The following CCBE1 variants were observed in gnomAD, a reference collection of about 807,000 sequenced individuals.
CCBE1 encodes collagen and calcium-binding EGF domain-containing protein 1.
In CCBE1, 37 loss-of-function variants were observed where a neutral mutation model predicts 50.0. That is an observed-to-expected ratio of 0.74 (90% CI 0.57 to 0.97). CCBE1 has a LOEUF of 0.97. Ranked by LOEUF, CCBE1 falls within the 50% of genes least tolerant of loss-of-function variation. CCBE1 has a pLI of 0.00. For missense variants in CCBE1, 538 were observed against 523.8 expected (o/e 1.03, Z -0.26); for synonymous variants, 234 against 203.7 (o/e 1.15, Z -1.27).
At chr18:59,582,551 C>T (rs1040426306) in intron 2 of CCBE1, among the ~76,000 whole-genome samples, 8 of 152,198 alleles carry the variant, frequency 5.3e-5, no homozygotes, top group Admixed American at 2.0e-4. Flanking sequence ...GGCTTAAGAA[C>T]TCAGGCTCTT....
intron 2 of CCBE1, among the ~76,000 whole-genome samples, chr18:59,559,236 G>A (rs1344340344): frequency 6.6e-6 from 1 of 152,228 alleles, no homozygotes; most frequent in Non-Finnish European, 1.5e-5. Context: ...TGCGTTTACT[G>A]GCTGAGTTGG....
In CCBE1 at chr18:59,435,119, A is replaced by G. The variant is rs1229499079; in HGVS notation, c.*789T>C. 6.6e-6 allele frequency: 1 copy of G among 152,256 alleles called. No individual in the cohort carries two copies. Among genetic ancestry groups the G allele is most frequent in the African/African-American group, 2.4e-5 (1 of 41,458 alleles). The allele number at this position is 152,256 out of a possible 1,614,324, so 9.4% of individuals were successfully genotyped here. On this transcript the variant is annotated 3_prime_UTR_variant, in exon 11 of 11. Coordinates refer to ENST00000439986, the MANE Select transcript of CCBE1 (RefSeq NM_133459.4). ...ATAGCAAACGAGAGCCCATTGTTTT[A>G]ATGTGAATCCAGGCATTTCACTTTG...
intron 2 of CCBE1, among the ~76,000 whole-genome samples, chr18:59,497,105 T>C (rs1021448386): frequency 6.6e-6 from 1 of 152,192 alleles, no homozygotes; most frequent in African/African-American, 2.4e-5. Context: ...ATAATACATG[T>C]CCACTAAAGA....
intron 2 of CCBE1, among the ~76,000 whole-genome samples, chr18:59,588,345 T>C (rs1212985419): frequency 1.3e-5 from 2 of 152,154 alleles, no homozygotes; most frequent in Non-Finnish European, 2.9e-5. Context: ...GAGGATTGCT[T>C]GAGTCCAGGA....
At chr18:59,638,553 G>T in intron 2 of CCBE1, among the ~76,000 whole-genome samples, 1 of 152,194 alleles carries the variant, frequency 6.6e-6, no homozygotes, top group African/African-American at 2.4e-5. Context: ...CTCTACAAGT[G>T]ATTCTGATGC....
At chr18:59,561,519 A>T (rs1447375045) in intron 2 of CCBE1, among the ~76,000 whole-genome samples, 2 of 152,196 alleles carry the variant, frequency 1.3e-5, no homozygotes, top group African/African-American at 4.8e-5. Flanking sequence ...TATCACAGCC[A>T]TGTAGCCATA....
chr18:59,468,837 G>GT (rs57118468), intron 4 of CCBE1, among the ~76,000 whole-genome samples: 37,456 of 123,930 alleles, frequency 0.3, 5,076 homozygotes, highest in African/African-American at 0.4. Context: ...AAAAGGCCAG[G>GT]TTTTTTTTTT....
At chr18:59,578,942 G>A (rs1000849331) in intron 2 of CCBE1, among the ~76,000 whole-genome samples, 7 of 151,946 alleles carry the variant, frequency 4.6e-5, no homozygotes, top group African/African-American at 1.7e-4. Flanking sequence ...AGGACTTAAG[G>A]TATAATAATT....
At chr18:59,564,896 C>G (rs1363662575) in intron 2 of CCBE1, among the ~76,000 whole-genome samples, 1 of 152,188 alleles carries the variant, frequency 6.6e-6, no homozygotes, top group African/African-American at 2.4e-5. Flanking sequence ...TAAAGGCCAT[C>G]AACAGGGGGA....
intron 2 of CCBE1, among the ~76,000 whole-genome samples, chr18:59,554,511 G>A (rs955825815): frequency 6.6e-6 from 1 of 152,164 alleles, no homozygotes; most frequent in African/African-American, 2.4e-5. Flanking sequence ...AAGGTCCTCT[G>A]AGTAACCAAA....
chr18:59,685,783 C>G (rs1439288036), intron 2 of CCBE1: 1 of 152,208 alleles, frequency 6.6e-6, no homozygotes, highest in Admixed American at 6.5e-5. Flanking sequence ...AAGTAAACAA[C>G]AGAACATTCT....
At chr18:59,481,809 C>T (rs1347953617) in intron 2 of CCBE1, among the ~76,000 whole-genome samples, 1 of 152,146 alleles carries the variant, frequency 6.6e-6, no homozygotes, top group African/African-American at 2.4e-5. Flanking sequence ...AAAGGGAGTT[C>T]TTCAGGCTAA....
At chr18:59,650,207 T>C (rs536493526) in intron 2 of CCBE1, among the ~76,000 whole-genome samples, 10 of 152,026 alleles carry the variant, frequency 6.6e-5, no homozygotes, top group South Asian at 6.3e-4. Flanking sequence ...AACTGTTTCT[T>C]TTAAAAATAA....
chr18:59,474,456 A>C (rs1912215356), intron 3 of CCBE1, among the ~76,000 whole-genome samples: 1 of 152,230 alleles, frequency 6.6e-6, no homozygotes, highest in South Asian at 2.1e-4. Flanking sequence ...TGGGTTGTCT[A>C]GAATGCCCAC....
chr18:59,697,443 G>A (rs1260012635), upstream of CCBE1: 3 of 1,461,454 alleles, frequency 2.1e-6, no homozygotes, highest in Admixed American at 2.2e-5. Flanking sequence ...GGCAGGGGGC[G>A]CCGGAGAGCA....
At chr18:59,463,256 A>G (rs1296584601) in intron 5 of CCBE1, among the ~76,000 whole-genome samples, 1 of 152,152 alleles carries the variant, frequency 6.6e-6, no homozygotes, top group East Asian at 1.9e-4. Flanking sequence ...GTCTCTCACC[A>G]GGGCAGACCT....
rs12605765 is a variant in CCBE1 at position 59,572,913 on chromosome 18, G to A, written c.213-92675C>T. 2.0e-3 allele frequency among the ~76,000 whole-genome samples: 298 copies of A among 152,252 alleles called. 3 individuals carry two copies. The East Asian group carries it at 0.03, about 15-fold the overall frequency. On this transcript the variant is annotated intron_variant, in intron 2 of 10. Transcript: ENST00000439986. ...GTTGCTTGGACAAACACTAGTCTAG[G>A]TGTTGCTGTAAAGATATTTTAAGAT...
At chr18:59,438,869 G>T (rs1203837518) in intron 9 of CCBE1, among the ~76,000 whole-genome samples, 8 of 152,072 alleles carry the variant, frequency 5.3e-5, no homozygotes, top group African/African-American at 1.7e-4. Flanking sequence ...AGACCTTCAG[G>T]CCGGGAGCGG....
intron 2 of CCBE1, among the ~76,000 whole-genome samples, chr18:59,503,934 C>T (rs1238456934): frequency 1.3e-5 from 2 of 152,188 alleles, no homozygotes; most frequent in Non-Finnish European, 2.9e-5. Flanking sequence ...GCTGTCTCCT[C>T]CTTTAGCCCA....
Sources: allele counts gnomAD v4.1 joint callset (sites outside exome capture counted in the v4.1 genomes callset), GRCh38; gene constraint gnomAD v4.1.1; transcripts MANE v1.5; gene names NCBI Gene and HGNC (gene_info 2026-07-23, HGNC 2026-07-21).